The following MED12L variants were observed in gnomAD, a reference collection of about 807,000 sequenced individuals.
The protein encoded by MED12L is mediator complex subunit 12L.
A neutral mutation model predicts 281.3 loss-of-function variants in MED12L; 60 were observed. The ratio of observed to expected loss-of-function variants is 0.21; its 90% CI spans 0.17 to 0.26. The LOEUF (loss-of-function observed/expected upper bound fraction) is 0.26. MED12L is among the 10% of genes least tolerant of loss of function. MED12L has a pLI of 1.00. For missense variants in MED12L, 2,146 were observed against 2,680.9 expected, an observed-to-expected ratio of 0.80 and a Z score of 4.41; for synonymous variants, 974 against 987.2, an observed-to-expected ratio of 0.99 and a Z score of 0.25.
chr3:151,334,699 C>CTA (rs959612000), intron 16 of MED12L, among the ~76,000 whole-genome samples: 2 of 152,070 alleles, frequency 1.3e-5, no homozygotes, highest in African/African-American at 4.8e-5. Flanking sequence ...AGGGCTTCAC[C>CTA]ATGTTGGCCA....
intron 2 of MED12L, among the ~76,000 whole-genome samples, chr3:151,111,547 C>T (rs1387332685): frequency 6.6e-6 from 1 of 152,134 alleles, no homozygotes; most frequent in African/African-American, 2.4e-5. Flanking sequence ...ACAGTGCTGT[C>T]CCCACTCTTG....
intron 16 of MED12L, among the ~76,000 whole-genome samples, chr3:151,329,836 A>T (rs1027384640): frequency 2.0e-5 from 3 of 152,212 alleles, no homozygotes; most frequent in African/African-American, 7.2e-5. Flanking sequence ...AAGATGAAGA[A>T]AATAGTCCCA....
intron 11 of MED12L, among the ~76,000 whole-genome samples, chr3:151,172,475 C>A (rs1721557341): frequency 6.6e-6 from 1 of 152,226 alleles, no homozygotes; most frequent in Admixed American, 6.5e-5. Flanking sequence ...TGGGCACACA[C>A]AGATACCCAT....
intron 16 of MED12L, among the ~76,000 whole-genome samples, chr3:151,247,956 CTTCTTCTTTTT>C (rs1213754557): frequency 1.2e-4 from 7 of 59,504 alleles, no homozygotes; most frequent in Admixed American, 2.2e-4. Context: ...CTTTCTTCTT[CTTCTTCTTTTT>C]TTTTTTTTTT....
chr3:151,336,560 A>G, intron 16 of MED12L: 3 of 456,178 alleles, frequency 6.6e-6, no homozygotes, highest in South Asian at 4.7e-5. Flanking sequence ...GGATCATAAA[A>G]AATTGAGATA....
At chr3:151,336,794 T>A in intron 16 of MED12L, 1 of 266,030 alleles carries the variant, frequency 3.8e-6, no homozygotes, top group South Asian at 3.7e-5. Context: ...GTATATGGTA[T>A]GGTGAGTCAT....
chr3:151,128,339 G>T (rs926773476), intron 5 of MED12L, among the ~76,000 whole-genome samples: 1 of 152,108 alleles, frequency 6.6e-6, no homozygotes, highest in Non-Finnish European at 1.5e-5. Context: ...TGTATTCTCT[G>T]CATAACTACT....
At chr3:151,311,257 G>A (rs1335242756) in intron 16 of MED12L, among the ~76,000 whole-genome samples, 5 of 151,860 alleles carry the variant, frequency 3.3e-5, no homozygotes, top group African/African-American at 9.7e-5. Context: ...AATACTTGAG[G>A]TATTGTACTG....
Position 151,376,869 on chromosome 3 carries a change from G to A in MED12L, c.4123G>A (p.Asp1375Asn). Residue 1375 changes from aspartate (D) to asparagine (N), a missense_variant, in exon 29 of 45, where the codon GAC becomes AAC. By Grantham distance (23) the Asp-to-Asn change is conservative. Around this residue, in one of 9 missense-constraint regions of MED12L, gnomAD observed 235 missense variants for 260.3 expected, o/e 0.90. Coordinates refer to ENST00000687756, the MANE Select transcript of MED12L (RefSeq NM_001393769.1). Reference sequence around the variant, plus strand: ...GCTAATGATCAAACAGTGCTTGAAGGACCCTGTGAGTTTATATTGAAAGCT... The same window carrying A: ...GCTAATGATCAAACAGTGCTTGAAGAACCCTGTGAGTTTATATTGAAAGCT... Reference protein sequence around the residue: ...LQLMIKQCLKDPGSGSVAEMN... With the variant: ...LQLMIKQCLKNPGSGSVAEMN... 1.2e-6 allele frequency: 2 copies of A among 1,613,930 alleles called. No homozygotes were observed. The highest frequency in any genetic ancestry group is 1.7e-6 in the Non-Finnish European group (2 of 1,179,860).
At chr3:151,328,207 GGTTTGACTGTGA>G (rs773251737) in intron 16 of MED12L, 24 of 1,612,486 alleles carry the variant, frequency 1.5e-5, no homozygotes, top group Non-Finnish European at 2.0e-5. Context: ...TCTTATTGTT[GGTTTGACTGTGA>G]GTATATGGAA....
chr3:151,285,337 T>C (rs1199207860), intron 16 of MED12L, among the ~76,000 whole-genome samples: 1 of 151,900 alleles, frequency 6.6e-6, no homozygotes, highest in African/African-American at 2.4e-5. Flanking sequence ...TACAAAAAAT[T>C]AGCCGGGTGT....
Position 151,311,099 on chromosome 3 carries a change from A to G in MED12L, c.2251-38960A>G, listed in dbSNP as rs116060631. On this transcript the variant is annotated intron_variant, in intron 16 of 44. Coordinates refer to ENST00000687756, the MANE Select transcript of MED12L (RefSeq NM_001393769.1). ...TTTGAGCACTCAAACTGAGTTCCGC[A>G]CTGGCCAGTTGTTTAGTGCCTGTCT... 4.0e-3 allele frequency among the ~76,000 whole-genome samples: 605 copies of G among 152,308 alleles called. 1 individual carries two copies. Among genetic ancestry groups the G allele is most frequent in the African/African-American group, 0.011 (474 of 41,560 alleles).
chr3:151,170,696 A>G (rs1211941690), intron 11 of MED12L, among the ~76,000 whole-genome samples: 2 of 152,206 alleles, frequency 1.3e-5, no homozygotes, highest in African/African-American at 4.8e-5. Context: ...AAAAATCTCA[A>G]AAACCTGAGT....
At chr3:151,319,484 T>C (rs868331351) in intron 16 of MED12L, among the ~76,000 whole-genome samples, 6 of 150,944 alleles carry the variant, frequency 4.0e-5, no homozygotes, top group Admixed American at 3.3e-4. Context: ...TGTGTGTGTG[T>C]GTGTGTGTGT....
chr3:151,411,219 G>A, intron 40 of MED12L, 59 bp from the exon 41 acceptor site: 2 of 1,460,638 alleles, frequency 1.4e-6, no homozygotes, highest in South Asian at 1.1e-5. Context: ...ATATCGTAGT[G>A]ATGGGAAAGC....
At chr3:151,332,445 G>A (rs1003371999) in intron 16 of MED12L, among the ~76,000 whole-genome samples, 2 of 152,156 alleles carry the variant, frequency 1.3e-5, no homozygotes, top group Non-Finnish European at 2.9e-5. Flanking sequence ...TAAACTAAAA[G>A]TGGTAATAAT....
rs66728754 is a variant in MED12L, at chr3:151,115,327, C to CT, written c.100-972dup. Among the ~76,000 whole-genome samples, 15 of 60,806 alleles carry CT rather than the reference C, an allele frequency of 2.5e-4. 2 individuals are homozygous for CT. The highest frequency in any genetic ancestry group is 6.6e-4 in the South Asian group (1 of 1,512). 39.9% of individuals were successfully genotyped at this position (60,806 alleles called of 152,430 possible). ...AACTGTGGGCTCTCTGGAAACAATTCTTTTTTTTTTTTTTTTTTTTTTTTT... is the reference window on the plus strand; with the variant it reads ...AACTGTGGGCTCTCTGGAAACAATTCTTTTTTTTTTTTTTTTTTTTTTTTTT... On this transcript the variant is annotated intron_variant, in intron 2 of 44. Transcript: ENST00000687756.
At position 151,320,596 on chromosome 3, in the gene MED12L, A is replaced by G. The variant is rs145692275; in HGVS notation, c.2251-29463A>G. Reference sequence around the variant, plus strand: ...TGTGTTTAATCTGTCATTTGAAATTATTTGTATCTATCAGGTCTGCTTTAC... The same window carrying G: ...TGTGTTTAATCTGTCATTTGAAATTGTTTGTATCTATCAGGTCTGCTTTAC... On this transcript the variant is annotated intron_variant, in intron 16 of 44. Coordinates refer to ENST00000687756, the MANE Select transcript of MED12L (RefSeq NM_001393769.1). 2.6e-3 allele frequency among the ~76,000 whole-genome samples: 393 copies of G among 152,262 alleles called. 3 individuals are homozygous for G. Among genetic ancestry groups the G allele is most frequent in the Middle Eastern group, 6.8e-3 (2 of 294 alleles).
chr3:151,138,437 A>G (rs1300713682), intron 5 of MED12L, among the ~76,000 whole-genome samples: 1 of 152,236 alleles, frequency 6.6e-6, no homozygotes, highest in African/African-American at 2.4e-5. Flanking sequence ...ATTATAATTA[A>G]TGAACCAATA....
Sources: gnomAD v4.1 joint callset for allele counts (sites outside exome capture counted in the v4.1 genomes callset) on GRCh38, gnomAD v4.1.1 for gene constraint, gnomAD v4.1.1 regional missense constraint, MANE v1.5 for transcripts, NCBI Gene and HGNC (gene_info 2026-07-23, HGNC 2026-07-21) for gene names.